CDS2: variants seen among roughly 807,000 people sequenced by gnomAD.
CDS2 encodes phosphatidate cytidylyltransferase 2.
A neutral mutation model predicts 59.0 loss-of-function variants in CDS2; 47 were observed. That is an observed-to-expected ratio of 0.80 (90% CI 0.63 to 1.02). The LOEUF is 1.02. Ranked by LOEUF, CDS2 falls within the 50% of genes least tolerant of loss-of-function variation. The pLI is 0.00. For synonymous variants in CDS2, 207 were observed against 206.4 expected (o/e 1.00, Z -0.02); for missense variants, 356 against 558.9 (o/e 0.64, Z 3.66).
At chr20:5,168,541 CT>C in intron 1 of CDS2, 1 of 505,198 alleles carries the variant, frequency 2.0e-6, no homozygotes, top group Non-Finnish European at 3.9e-6. Flanking sequence ...CACAGCCACA[CT>C]TTTTTGGGTC....
chr20:5,196,926 C>A lies in CDS2; in HGVS notation c.*6692C>A, dbSNP rs944284581. 3 of 152,462 alleles carry A rather than the reference C, an allele frequency of 2.0e-5. No homozygotes were observed. The South Asian group carries it at 6.2e-4, about 32-fold the overall frequency. The allele number at this position is 152,462 out of a possible 1,614,324, so 9.4% of individuals were successfully genotyped here. A position where few individuals can be genotyped will look rare whatever the true frequency, so the allele number is the denominator to read the frequency against. ...AGCGGTTTGGTTTATTGTTATCCAGCTGGAGGACTCCTAGGGGCAGCAGCA... is the reference window on the plus strand; with the variant it reads ...AGCGGTTTGGTTTATTGTTATCCAGATGGAGGACTCCTAGGGGCAGCAGCA... On this transcript the variant is annotated 3_prime_UTR_variant, in exon 13 of 13. Transcript: ENST00000460006.
At chr20:5,150,590 C>G (rs11698565) in intron 1 of CDS2, among the ~76,000 whole-genome samples, 14,721 of 152,260 alleles carry the variant, frequency 0.097, 832 homozygotes, top group Middle Eastern at 0.16. Context: ...ACAGGGGCCA[C>G]TGGGTTCCAT....
At chr20:5,162,515 G>A (rs189471805) in intron 1 of CDS2, among the ~76,000 whole-genome samples, 6 of 152,150 alleles carry the variant, frequency 3.9e-5, no homozygotes, top group Non-Finnish European at 8.8e-5. Context: ...AATGTCAAAA[G>A]TGTTCTGTTT....
intron 8 of CDS2, among the ~76,000 whole-genome samples, chr20:5,185,235 A>G (rs1017194305): frequency 1.3e-5 from 2 of 152,184 alleles, no homozygotes; most frequent in Admixed American, 6.5e-5. Flanking sequence ...AGCCTGGGGA[A>G]CTTAGTGAGG....
At chr20:5,168,440 A>G (rs201696056) in intron 1 of CDS2, among the ~76,000 whole-genome samples, 2 of 49,918 alleles carry the variant, frequency 4.0e-5, no homozygotes, top group African/African-American at 7.1e-5. Flanking sequence ...AAAAGAAAAG[A>G]AAAAAAAAAA....
intron 11 of CDS2, among the ~76,000 whole-genome samples, chr20:5,189,522 G>C (rs1220174014): frequency 6.6e-6 from 1 of 152,144 alleles, no homozygotes; most frequent in Non-Finnish European, 1.5e-5. Flanking sequence ...AACATAGCAA[G>C]ACTCCTGTCT....
intron 3 of CDS2, chr20:5,176,020 T>A (rs576368936): frequency 6.5e-6 from 1 of 153,598 alleles, no homozygotes; most frequent in South Asian, 2.0e-4. Flanking sequence ...AGCATTTGAC[T>A]TTGAATACTT....
chr20:5,129,838 C>G lies in CDS2; in HGVS notation c.57+2689C>G, dbSNP rs73614270. Among the ~76,000 whole-genome samples the G allele has an allele frequency of 3.9e-5, 6 of 152,158 alleles. No individual in the cohort carries two copies. The East Asian group carries it at 1.2e-3, about 29-fold the overall frequency. ...TCGTGATCTGCCCGCCTCGGTCTCC[C>G]AAAGTGCTGAGACTACAGACGTGAG... On this transcript the variant is annotated intron_variant, in intron 1 of 12. Coordinates refer to ENST00000460006, the MANE Select transcript of CDS2 (RefSeq NM_003818.4).
Position 5,186,676 on chromosome 20 carries a change from T to C in CDS2, c.829-11T>C. ...TACTTCCTTGCCGGTCTCTCTGTTA[T>C]TCCTCCTCAGCTGTCCTATGTGATG... On this transcript the variant is annotated splice_polypyrimidine_tract_variant and intron_variant, in intron 9 of 12. Transcript: ENST00000460006. 6.2e-7 allele frequency: 1 copy of C among 1,613,672 alleles called. No individual in the cohort carries two copies. Among genetic ancestry groups the C allele is most frequent in the African/African-American group, 1.3e-5 (1 of 75,034 alleles).
intron 10 of CDS2, 43 bp from the exon 11 acceptor site, chr20:5,189,024 G>A: frequency 6.2e-7 from 1 of 1,612,660 alleles, no homozygotes; most frequent in Non-Finnish European, 8.5e-7. Context: ...CGTAACACTG[G>A]GCATGTATGC....
chr20:5,182,973 C>T, intron 6 of CDS2, 88 bp from the exon 7 acceptor site: 4 of 1,047,100 alleles, frequency 3.8e-6, no homozygotes, highest in Admixed American at 2.0e-5. Flanking sequence ...ACCTGCTTCT[C>T]AGCAGTTTTC....
intron 1 of CDS2, among the ~76,000 whole-genome samples, chr20:5,146,783 A>G (rs1005501730): frequency 1.3e-5 from 2 of 152,242 alleles, no homozygotes; most frequent in Non-Finnish European, 2.9e-5. Context: ...TATAATAAAC[A>G]AGCTAGAAGT....
intron 1 of CDS2, 124 bp from the exon 2 acceptor site, chr20:5,173,399 C>A: frequency 9.4e-7 from 1 of 1,064,898 alleles, no homozygotes; most frequent in Non-Finnish European, 1.4e-6. Flanking sequence ...CATCACCTGA[C>A]TGTGCCAGGT....
At chr20:5,159,175 T>A (rs531589857) in intron 1 of CDS2, among the ~76,000 whole-genome samples, 23 of 152,270 alleles carry the variant, frequency 1.5e-4, no homozygotes, top group African/African-American at 5.5e-4. Flanking sequence ...TTCTTTTTTT[T>A]AATATATATT....
intron 1 of CDS2, among the ~76,000 whole-genome samples, chr20:5,127,619 TA>T (rs983811816): frequency 6.6e-6 from 1 of 152,190 alleles, no homozygotes; most frequent in East Asian, 1.9e-4. Context: ...CTGGGAGATG[TA>T]AATCCCTTCT....
chr20:5,135,925 G>A (rs1358441077), intron 1 of CDS2, among the ~76,000 whole-genome samples: 3 of 152,200 alleles, frequency 2.0e-5, no homozygotes, highest in African/African-American at 7.2e-5. Flanking sequence ...GACCTGACCT[G>A]TCCTACCAAA....
chr20:5,135,443 C>T (rs2090641758), intron 1 of CDS2, among the ~76,000 whole-genome samples: 1 of 149,374 alleles, frequency 6.7e-6, no homozygotes, highest in African/African-American at 2.6e-5. Flanking sequence ...TGAAAAAGTA[C>T]AGCTGTTTGT....
At chr20:5,175,462 G>A (rs2090988184) in intron 3 of CDS2, 183 bp downstream of exon 3, 2 of 555,696 alleles carry the variant, frequency 3.6e-6, no homozygotes, top group South Asian at 2.0e-5. Flanking sequence ...GGTCATTGGT[G>A]TAGGCTGGTT....
At chr20:5,151,098 C>T (rs897423044) in intron 1 of CDS2, among the ~76,000 whole-genome samples, 4 of 152,100 alleles carry the variant, frequency 2.6e-5, no homozygotes, top group Admixed American at 1.3e-4. Flanking sequence ...CCTCTGGTTT[C>T]GGGAGGAATT....
Sources: allele counts gnomAD v4.1 joint callset (sites outside exome capture counted in the v4.1 genomes callset), GRCh38; gene constraint gnomAD v4.1.1; transcripts MANE v1.5; gene names NCBI Gene and HGNC (gene_info 2026-07-23, HGNC 2026-07-21).